Variants in ATRNL1 observed in about 807,000 individuals in gnomAD.
The protein encoded by ATRNL1 is attractin-like protein 1.
Under a neutral mutation model 182.7 loss-of-function variants are expected in ATRNL1, and 95 were observed. The observed-to-expected ratio is 0.52, with a 90% CI of 0.44 to 0.62. The LOEUF (loss-of-function observed/expected upper bound fraction) is 0.62, where lower values mean the gene tolerates loss of function less well. Ranked by LOEUF, ATRNL1 falls within the 20% of genes least tolerant of loss-of-function variation. ATRNL1 has a pLI of 0.00. For missense variants in ATRNL1, 1,471 were observed against 1,679.5 expected (o/e 0.88, Z 2.17); for synonymous variants, 576 against 568.3 (o/e 1.01, Z -0.19).
At chr10:115,713,130 C>A (rs919518555) in intron 26 of ATRNL1, among the ~76,000 whole-genome samples, 2 of 152,090 alleles carry the variant, frequency 1.3e-5, no homozygotes, top group African/African-American at 4.8e-5. Flanking sequence ...ATTTGTCTCT[C>A]CTCTGTCATT....
At chr10:115,412,643 A>G (rs138321491) in intron 20 of ATRNL1, among the ~76,000 whole-genome samples, 62 of 152,306 alleles carry the variant, frequency 4.1e-4, no homozygotes, top group African/African-American at 1.2e-3. Flanking sequence ...TTTTCAGACT[A>G]GGAAGGAGAT....
chr10:115,251,325 A>G (rs1232822851), intron 10 of ATRNL1, among the ~76,000 whole-genome samples: 2 of 152,200 alleles, frequency 1.3e-5, no homozygotes, highest in Admixed American at 1.3e-4. Context: ...AAGCTCCCAG[A>G]GGCTTCCACT....
At chr10:115,786,490 A>G (rs1246929880) in intron 27 of ATRNL1, among the ~76,000 whole-genome samples, 1 of 152,114 alleles carries the variant, frequency 6.6e-6, no homozygotes, top group Non-Finnish European at 1.5e-5. Flanking sequence ...TTGTAATTGT[A>G]TCACTCCCAT....
chr10:115,674,908 C>A (rs1440619091), intron 26 of ATRNL1, among the ~76,000 whole-genome samples: 1 of 151,936 alleles, frequency 6.6e-6, no homozygotes, highest in African/African-American at 2.4e-5. Flanking sequence ...GTTAAAATAC[C>A]ACATCTTTAT....
In ATRNL1 at chr10:115,215,764, T is replaced by C. The variant is rs1849206461; in HGVS notation, c.1416T>C (p.Ser472=). Residue 472 remains serine, a synonymous_variant, in exon 9 of 29, where the codon AGT becomes AGC. Transcript: ENST00000355044. ...AIVQGGYGHT[S]VYDEITKSIY... ...TACAAGGTGGATATGGCCATACTAG[T>C]GTGTATGATGAAATAACAAAGTCCA... The C allele has an allele frequency of 1.2e-6, 2 of 1,609,868 alleles. No individual in the cohort carries two copies. Among genetic ancestry groups the C allele is most frequent in the South Asian group, 2.2e-5 (2 of 90,222 alleles).
At chr10:115,144,136 G>A (rs568751353) in intron 5 of ATRNL1, among the ~76,000 whole-genome samples, 1 of 150,770 alleles carries the variant, frequency 6.6e-6, no homozygotes, top group East Asian at 2.0e-4. Context: ...CCACCACCAC[G>A]CCCAGCTAAG....
intron 26 of ATRNL1, among the ~76,000 whole-genome samples, chr10:115,621,264 T>TAC (rs1857728482): frequency 3.6e-5 from 2 of 55,064 alleles, no homozygotes; most frequent in Non-Finnish European, 7.6e-5. Flanking sequence ...AATATATATA[T>TAC]ATATATATAT....
chr10:115,417,062 G>T (rs1465944267), intron 20 of ATRNL1, among the ~76,000 whole-genome samples: 1 of 152,130 alleles, frequency 6.6e-6, no homozygotes, highest in African/African-American at 2.4e-5. Flanking sequence ...GCCCAAAGAG[G>T]GTTGTTTTGA....
intron 18 of ATRNL1, among the ~76,000 whole-genome samples, chr10:115,332,949 C>G (rs1855300647): frequency 6.6e-6 from 1 of 152,168 alleles, no homozygotes; most frequent in Non-Finnish European, 1.5e-5. Context: ...ACAGCAACTT[C>G]CACATAGCAT....
chr10:115,368,757 A>C (rs1857219422), intron 19 of ATRNL1, among the ~76,000 whole-genome samples: 3 of 147,270 alleles, frequency 2.0e-5, no homozygotes, highest in South Asian at 2.1e-4. Flanking sequence ...TCTTCCGCCC[A>C]GGCTGGAATG....
At chr10:115,251,840 C>A (rs1417374017) in intron 10 of ATRNL1, among the ~76,000 whole-genome samples, 1 of 152,112 alleles carries the variant, frequency 6.6e-6, no homozygotes, top group African/African-American at 2.4e-5. Flanking sequence ...TGAACATCAC[C>A]TCTTGTGGCA....
intron 10 of ATRNL1, among the ~76,000 whole-genome samples, chr10:115,242,669 A>G (rs1033401140): frequency 6.6e-6 from 1 of 152,024 alleles, no homozygotes; most frequent in Non-Finnish European, 1.5e-5. Flanking sequence ...TTTCAAGTAG[A>G]ATCATGTAAA....
chr10:115,513,454 C>T (rs983424840), intron 24 of ATRNL1, among the ~76,000 whole-genome samples: 8 of 151,976 alleles, frequency 5.3e-5, no homozygotes, highest in African/African-American at 1.9e-4. Context: ...CATTTATTAT[C>T]TGCTCTCCCA....
chr10:115,916,747 T>C lies in ATRNL1; in HGVS notation c.4019-27911T>C, dbSNP rs117779865. ...CAACTACTCTGTGTCTGTCCAGACT[T>C]CTCAGTGCTGATACAAGCTGCAGCC... is the stretch of plus-strand genomic sequence containing the variant. On this transcript the variant is annotated intron_variant, in intron 28 of 28. Transcript: ENST00000355044. Among the ~76,000 whole-genome samples the C allele has an allele frequency of 1.3e-3, 202 of 152,316 alleles. 3 individuals carry two copies. In the East Asian group the frequency reaches 0.038, roughly 29 times the overall value.
At chr10:115,527,284 A>G (rs1463746085) in intron 25 of ATRNL1, among the ~76,000 whole-genome samples, 5 of 151,704 alleles carry the variant, frequency 3.3e-5, no homozygotes, top group African/African-American at 1.2e-4. Context: ...ACAGCTGACT[A>G]AGTTTTTTGT....
intron 8 of ATRNL1, among the ~76,000 whole-genome samples, chr10:115,208,321 A>T (rs1015676379): frequency 6.6e-6 from 1 of 151,754 alleles, no homozygotes; most frequent in Admixed American, 6.6e-5. Context: ...GTCTCTTTCT[A>T]TTGGATGATT....
intron 1 of ATRNL1, among the ~76,000 whole-genome samples, chr10:115,113,541 G>A (rs543482251): frequency 2.0e-5 from 3 of 152,234 alleles, no homozygotes; most frequent in South Asian, 4.1e-4. Flanking sequence ...TTCCCATGCT[G>A]TTCTCATGAT....
At chr10:115,436,218 A>G (rs146126747) in intron 21 of ATRNL1, among the ~76,000 whole-genome samples, 321 of 152,240 alleles carry the variant, frequency 2.1e-3, no homozygotes, top group African/African-American at 7.3e-3. Flanking sequence ...TAAATAGATG[A>G]CCATTCATCA....
intron 20 of ATRNL1, among the ~76,000 whole-genome samples, chr10:115,419,231 T>C (rs782644027): frequency 1.4e-4 from 21 of 152,164 alleles, no homozygotes; most frequent in Non-Finnish European, 2.4e-4. Flanking sequence ...TTATTATGAC[T>C]ATAAGATGTT....
Sources: gnomAD v4.1 joint callset for allele counts (sites outside exome capture counted in the v4.1 genomes callset) on GRCh38, gnomAD v4.1.1 for gene constraint, MANE v1.5 for transcripts, NCBI Gene and HGNC (gene_info 2026-07-23, HGNC 2026-07-21) for gene names.